Variants in SPMIP11 observed in about 807,000 individuals in gnomAD.
The protein encoded by SPMIP11 is long intergenic non-protein coding RNA 935.
chr12:48,768,807 T>C, the SPMIP11 span: 1 of 1,561,876 alleles, frequency 6.4e-7, no homozygotes, highest in Non-Finnish European at 8.7e-7. Context: ...GCTAGCTCCC[T>C]TCCCCCAGTC....
the SPMIP11 span, chr12:48,764,755 T>TGCTGG: frequency 1.9e-5 from 12 of 635,324 alleles, no homozygotes; most frequent in East Asian, 5.5e-5. Flanking sequence ...GCCAAGCAGT[T>TGCTGG]GCTGGGCTGG....
the SPMIP11 span, chr12:48,764,913 C>T: frequency 4.3e-6 from 3 of 702,830 alleles, no homozygotes; most frequent in African/African-American, 3.5e-5. Flanking sequence ...CTGGTGGTCC[C>T]ATGATCCAGG....
At chr12:48,748,941 A>T in the SPMIP11 span, among the ~76,000 whole-genome samples, 1 of 151,504 alleles carries the variant, frequency 6.6e-6, no homozygotes, top group Admixed American at 6.6e-5. Context: ...AATTCTTCTC[A>T]CTCTTGCATT....
At chr12:48,730,401 C>T in the SPMIP11 span, among the ~76,000 whole-genome samples, 2 of 152,014 alleles carry the variant, frequency 1.3e-5, no homozygotes, top group Admixed American at 1.3e-4. Flanking sequence ...CTACTCCCTG[C>T]TTGCTTCCCC....
At chr12:48,731,745 C>T in the SPMIP11 span, among the ~76,000 whole-genome samples, 1 of 152,270 alleles carries the variant, frequency 6.6e-6, no homozygotes, top group East Asian at 1.9e-4. Context: ...TCATCTCTCT[C>T]CCTCTCTCTC....
chr12:48,745,549 G>C, the SPMIP11 span, among the ~76,000 whole-genome samples: 1 of 152,094 alleles, frequency 6.6e-6, no homozygotes, highest in Non-Finnish European at 1.5e-5. Context: ...GATATTGCAG[G>C]GAGCCGAGAT....
the SPMIP11 span, chr12:48,768,264 G>A: frequency 4.9e-6 from 2 of 405,240 alleles, no homozygotes; most frequent in East Asian, 5.2e-5. Flanking sequence ...ATGGCAAGCT[G>A]CCATTTTAAT....
chr12:48,744,417 CA>C, the SPMIP11 span, among the ~76,000 whole-genome samples: 1 of 151,404 alleles, frequency 6.6e-6, no homozygotes, highest in Non-Finnish European at 1.5e-5. Context: ...CAAAAATAAA[CA>C]AACAAACAAA....
the SPMIP11 span, among the ~76,000 whole-genome samples, chr12:48,753,629 G>A: frequency 6.7e-6 from 1 of 150,124 alleles, no homozygotes; most frequent in African/African-American, 2.5e-5. Flanking sequence ...GACAGCTGGA[G>A]ATCCCATTCT....
At chr12:48,739,638 T>C in the SPMIP11 span, among the ~76,000 whole-genome samples, 1 of 152,080 alleles carries the variant, frequency 6.6e-6, no homozygotes, top group Non-Finnish European at 1.5e-5. Context: ...AGGCATGTCC[T>C]ACGTGAATGA....
At chr12:48,730,680 G>A in the SPMIP11 span, among the ~76,000 whole-genome samples, 1 of 152,222 alleles carries the variant, frequency 6.6e-6, no homozygotes, top group Non-Finnish European at 1.5e-5. Flanking sequence ...GCTCACGCCT[G>A]TAATCCCAGC....
chr12:48,770,758 C>T, the SPMIP11 span: 1 of 1,613,386 alleles, frequency 6.2e-7, no homozygotes, highest in African/African-American at 1.3e-5. Flanking sequence ...GCAACAAAGC[C>T]CTCTTACCAA....
At chr12:48,762,159 T>C in the SPMIP11 span, among the ~76,000 whole-genome samples, 414 of 128,174 alleles carry the variant, frequency 3.2e-3, no homozygotes, top group Middle Eastern at 9.6e-3. Context: ...CCCGGGTTCA[T>C]GCCATTCTCC....
chr12:48,757,255 T>TAA, the SPMIP11 span, among the ~76,000 whole-genome samples: 1 of 150,430 alleles, frequency 6.6e-6, no homozygotes, highest in Non-Finnish European at 1.5e-5. Flanking sequence ...CTGAAAGACT[T>TAA]AAAAAAAAAA....
At chr12:48,743,306 A>T in the SPMIP11 span, among the ~76,000 whole-genome samples, 1 of 152,026 alleles carries the variant, frequency 6.6e-6, no homozygotes, top group South Asian at 2.1e-4. Flanking sequence ...AGATGGGAAG[A>T]TTAAGGCTGC....
chr12:48,738,685 C>A, the SPMIP11 span, among the ~76,000 whole-genome samples: 5 of 152,060 alleles, frequency 3.3e-5, no homozygotes, highest in Non-Finnish European at 7.4e-5. Context: ...CAGGCGCCCG[C>A]CACCACGTAT....
the SPMIP11 span, chr12:48,768,914 G>A: frequency 3.8e-6 from 6 of 1,594,248 alleles, no homozygotes; most frequent in African/African-American, 5.4e-5. Flanking sequence ...GTTCCTCCCA[G>A]CCCCTGCTCA....
At chr12:48,769,589 CTT>C in the SPMIP11 span, among the ~76,000 whole-genome samples, 28 of 138,774 alleles carry the variant, frequency 2.0e-4, no homozygotes, top group Non-Finnish European at 1.9e-4. Context: ...CCTTTCTTTT[CTT>C]TTTTTTTTTT....
At chr12:48,769,906 C>T in the SPMIP11 span, among the ~76,000 whole-genome samples, 2 of 151,714 alleles carry the variant, frequency 1.3e-5, no homozygotes, top group Non-Finnish European at 2.9e-5. Flanking sequence ...GGACTATAGG[C>T]GCCCACCACC....
Sources: gnomAD v4.1 joint callset for allele counts (sites outside exome capture counted in the v4.1 genomes callset) on GRCh38, gnomAD v4.1.1 for gene constraint, MANE v1.5 for transcripts, NCBI Gene and HGNC (gene_info 2026-07-23, HGNC 2026-07-21) for gene names.